The following ACVR1B variants were observed in gnomAD, a reference collection of about 807,000 sequenced individuals.
ACVR1B encodes the protein activin receptor type-1B.
In ACVR1B, 15 loss-of-function variants were observed where a neutral mutation model predicts 55.6. The ratio of observed to expected loss-of-function variants is 0.27; its 90% CI spans 0.18 to 0.42. The LOEUF (loss-of-function observed/expected upper bound fraction) is 0.42. ACVR1B is among the 10% of genes least tolerant of loss of function. The pLI is 1.00. For synonymous variants in ACVR1B, 247 were observed against 254.6 expected (o/e 0.97, Z 0.28); for missense variants, 359 against 670.1 (o/e 0.54, Z 5.13).
intron 1 of ACVR1B, among the ~76,000 whole-genome samples, chr12:51,968,943 A>G (rs562169359): frequency 6.6e-6 from 1 of 152,354 alleles, no homozygotes; most frequent in East Asian, 1.9e-4. Flanking sequence ...GAAATCTGCA[A>G]TGCTTTCTGG....
At chr12:51,988,294 C>T (rs1425650043) in intron 7 of ACVR1B, among the ~76,000 whole-genome samples, 1 of 152,168 alleles carries the variant, frequency 6.6e-6, no homozygotes, top group Non-Finnish European at 1.5e-5. Context: ...CATGGTGAAA[C>T]CCTGTCTCTA....
chr12:51,976,312 T>C lies in ACVR1B; in HGVS notation c.332-15T>C. 6.2e-7 allele frequency: 1 copy of C among 1,613,784 alleles called. No homozygotes were observed. Among genetic ancestry groups the C allele is most frequent in the Non-Finnish European group, 8.5e-7 (1 of 1,179,732 alleles). On this transcript the variant is annotated splice_polypyrimidine_tract_variant and intron_variant, in intron 2 of 8. Coordinates refer to ENST00000257963, the MANE Select transcript of ACVR1B (RefSeq NM_004302.5). The stretch of plus-strand genomic sequence containing the variant: ...TACTTCTCATTCTTTCCCTCTCCTC[T>C]CTCACTTGACTCAGGTCACCTCAAG...
chr12:51,965,199 C>G (rs1468722183), intron 1 of ACVR1B, among the ~76,000 whole-genome samples: 1 of 152,110 alleles, frequency 6.6e-6, no homozygotes, highest in East Asian at 1.9e-4. Flanking sequence ...GAATATACAT[C>G]AAACATGTAG....
At chr12:51,959,647 A>G (rs978741845) in intron 1 of ACVR1B, among the ~76,000 whole-genome samples, 1 of 152,236 alleles carries the variant, frequency 6.6e-6, no homozygotes, top group Non-Finnish European at 1.5e-5. Context: ...TCAAATGGTG[A>G]TGGTGAAAAT....
intron 7 of ACVR1B, 36 bp from the exon 8 acceptor site, chr12:51,991,827 G>C (rs955677676): frequency 1.2e-6 from 2 of 1,600,940 alleles, no homozygotes; most frequent in Non-Finnish European, 1.7e-6. Context: ...TTTTCCTGCT[G>C]TTGATAACTC....
At chr12:51,952,003 C>T (rs1565606575) in intron 1 of ACVR1B, among the ~76,000 whole-genome samples, 169 bp downstream of exon 1, 1 of 151,838 alleles carries the variant, frequency 6.6e-6, no homozygotes, top group Non-Finnish European at 1.5e-5. Flanking sequence ...CCCCGATCTC[C>T]GAGGCGCAGC....
At chr12:51,992,220 T>G in intron 8 of ACVR1B, 1 of 589,850 alleles carries the variant, frequency 1.7e-6, no homozygotes, top group Non-Finnish European at 2.9e-6. Flanking sequence ...AGAAAAGGCT[T>G]TGGGCCTGGT....
At chr12:51,958,233 T>C (rs994509516) in intron 1 of ACVR1B, among the ~76,000 whole-genome samples, 1 of 152,224 alleles carries the variant, frequency 6.6e-6, no homozygotes, top group Non-Finnish European at 1.5e-5. Context: ...ATTTCCAGAC[T>C]GCAAACTAAA....
At chr12:51,978,268 C>CA (rs1310116213) in intron 3 of ACVR1B, among the ~76,000 whole-genome samples, 1 of 152,092 alleles carries the variant, frequency 6.6e-6, no homozygotes, top group Non-Finnish European at 1.5e-5. Context: ...TTGGGTTTTC[C>CA]AAAGTCTTTT....
At chr12:51,984,760 T>C (rs745529258) in intron 5 of ACVR1B, among the ~76,000 whole-genome samples, 1 of 152,204 alleles carries the variant, frequency 6.6e-6, no homozygotes, top group Non-Finnish European at 1.5e-5. Flanking sequence ...CCCGTGAAAG[T>C]TGGATCCTAT....
chr12:51,965,742 C>T (rs188332268), intron 1 of ACVR1B, among the ~76,000 whole-genome samples: 111 of 152,212 alleles, frequency 7.3e-4, no homozygotes, highest in African/African-American at 2.5e-3. Context: ...AGAATTAGGC[C>T]GGACGTCAGT....
At chr12:51,983,450 A>G (rs1942018688) in intron 4 of ACVR1B, among the ~76,000 whole-genome samples, 1 of 152,240 alleles carries the variant, frequency 6.6e-6, no homozygotes, top group Non-Finnish European at 1.5e-5. Flanking sequence ...TCCTACTCAC[A>G]GAGATATCAT....
At chr12:51,989,183 TAAAAG>T (rs763313534) in intron 7 of ACVR1B, among the ~76,000 whole-genome samples, 21 of 152,076 alleles carry the variant, frequency 1.4e-4, no homozygotes, top group Admixed American at 2.6e-4. Context: ...CATCTCTACT[TAAAAG>T]AAAAAAAATT....
Position 51,981,071 on chromosome 12 carries a change from G to A in ACVR1B, c.683G>A (p.Gly228Asp), listed in dbSNP as rs1941967518. 1 of 1,614,092 alleles carries A rather than the reference G, an allele frequency of 6.2e-7. No homozygotes were observed. The highest frequency in any genetic ancestry group is 1.3e-5 in the African/African-American group (1 of 74,926). The change falls in exon 4 of 9, where the codon GGT becomes GAT. Residue 228 changes from glycine (G) to aspartate (D), a missense_variant. Around this residue, in one of 5 missense-constraint regions of ACVR1B, gnomAD observed 119 missense variants for 340.2 expected, o/e 0.35. Transcript: ENST00000257963. ...FGEVWRGRWR[G>D]GDVAVKIFSS... The stretch of plus-strand genomic sequence containing the variant: ...GAAGTATGGCGGGGCCGCTGGAGGG[G>A]TGGTGATGTGGCTGTGAAAATATTC...
chr12:51,974,748 C>G (rs1483828282), intron 1 of ACVR1B, among the ~76,000 whole-genome samples: 2 of 152,082 alleles, frequency 1.3e-5, no homozygotes, highest in African/African-American at 2.4e-5. Context: ...ATGGAGTGGT[C>G]AGGGAAAGCT....
chr12:51,981,876 C>A (rs1941987825), intron 4 of ACVR1B, among the ~76,000 whole-genome samples: 1 of 151,982 alleles, frequency 6.6e-6, no homozygotes, highest in Admixed American at 6.5e-5. Flanking sequence ...AAAAAAATCC[C>A]TAGGATGAGG....
At position 51,981,084 on chromosome 12, in the gene ACVR1B, T is replaced by A; in HGVS notation, c.696T>A (p.Ala232=). The A allele has an allele frequency of 6.2e-7, 1 of 1,614,200 alleles. No homozygotes were observed. The highest frequency in any genetic ancestry group is 2.2e-5 in the East Asian group (1 of 44,888). ...GCCGCTGGAGGGGTGGTGATGTGGC[T>A]GTGAAAATATTCTCTTCTCGTGAAG... ...WRGRWRGGDV[A]VKIFSSREER... The change falls in exon 4 of 9, where the codon GCT becomes GCA. Residue 232 remains alanine, a synonymous_variant. Coordinates refer to ENST00000257963, the MANE Select transcript of ACVR1B (RefSeq NM_004302.5).
chr12:51,951,788 C>T lies in ACVR1B; in HGVS notation c.45C>T (p.Val15=), dbSNP rs1866116005. The change falls in exon 1 of 9, where the codon GTC becomes GTT. Residue 15 remains valine (V), a synonymous_variant. Coordinates refer to ENST00000257963, the MANE Select transcript of ACVR1B (RefSeq NM_004302.5). The part of the protein sequence containing the change: ...AGASSFFPLV[V]LLLAGSGGSG... The stretch of plus-strand genomic sequence containing the variant: ...CCTCCTCCTTCTTCCCCCTTGTTGT[C>T]CTCCTGCTCGCCGGCAGCGGCGGGT... 5 of 1,297,236 alleles carry T rather than the reference C, an allele frequency of 3.9e-6. No individual in the cohort carries two copies. The highest frequency in any genetic ancestry group is 6.3e-5 in the Admixed American group (2 of 31,654). 80.4% of individuals were successfully genotyped at this position (1,297,236 alleles called of 1,614,324 possible).
intron 1 of ACVR1B, among the ~76,000 whole-genome samples, chr12:51,954,935 G>A (rs535141996): frequency 6.6e-6 from 1 of 152,318 alleles, no homozygotes; most frequent in African/African-American, 2.4e-5. Context: ...ATGTCACAGT[G>A]TGGTTTTCTT....
Sources: allele counts gnomAD v4.1 joint callset (sites outside exome capture counted in the v4.1 genomes callset), GRCh38; gene constraint gnomAD v4.1.1; regional missense constraint gnomAD v4.1.1; transcripts MANE v1.5; gene names NCBI Gene and HGNC (gene_info 2026-07-23, HGNC 2026-07-21).